Variants in HIBCH observed in about 807,000 individuals in gnomAD.
HIBCH encodes the protein 3-hydroxyisobutyryl-CoA hydrolase, mitochondrial.
Under a neutral mutation model 58.2 loss-of-function variants are expected in HIBCH, and 50 were observed. That is an observed-to-expected ratio of 0.86 (90% CI 0.68 to 1.09). The LOEUF (loss-of-function observed/expected upper bound fraction) is 1.09. Among genes scored for constraint, HIBCH ranks in the 50% least tolerant of loss-of-function variants. The pLI is 0.00. For synonymous variants in HIBCH, 151 were observed against 146.9 expected (o/e 1.03, Z -0.20); for missense variants, 450 against 449.7 (o/e 1.00, Z -0.01).
intron 11 of HIBCH, among the ~76,000 whole-genome samples, chr2:190,220,832 T>G (rs184392116): frequency 6.6e-6 from 1 of 152,278 alleles, no homozygotes; most frequent in East Asian, 1.9e-4. Flanking sequence ...GGGAGTGACA[T>G]GACCACTTTC....
intron 1 of HIBCH, among the ~76,000 whole-genome samples, chr2:190,313,537 CACA>C (rs1281155876): frequency 6.6e-6 from 1 of 151,232 alleles, no homozygotes; most frequent in Non-Finnish European, 1.5e-5. Flanking sequence ...GACTTTTCTT[CACA>C]ACACCACTTA....
chr2:190,198,581 G>A (rs1028680878), intron 1 of HIBCH, among the ~76,000 whole-genome samples: 16 of 138,754 alleles, frequency 1.2e-4, no homozygotes, highest in African/African-American at 3.5e-4. Context: ...ACAGTGAGCC[G>A]TGATTGCATC....
rs372057822 is a variant in HIBCH, at chr2:190,242,618, T to C, written c.891+2269A>G. Among the ~76,000 whole-genome samples the C allele has an allele frequency of 2.6e-5, 4 of 152,106 alleles. No individual in the cohort carries two copies. In the East Asian group the frequency reaches 5.8e-4, roughly 22 times the overall value. On this transcript the variant is annotated intron_variant, in intron 11 of 13. Transcript: ENST00000359678. ...GAATGGGGTTTTTGTGTGGGTGTCC[T>C]TTTTGTTGACATGAGGTGCTTGCTG...
At chr2:190,311,504 C>T (rs1374360314) in intron 1 of HIBCH, among the ~76,000 whole-genome samples, 1 of 152,166 alleles carries the variant, frequency 6.6e-6, no homozygotes, top group Admixed American at 6.5e-5. Context: ...CATTCTCAGA[C>T]ACTAGAGAGA....
chr2:190,266,606 G>C (rs548874781), intron 6 of HIBCH, among the ~76,000 whole-genome samples: 35 of 152,010 alleles, frequency 2.3e-4, no homozygotes, highest in African/African-American at 7.7e-4. Flanking sequence ...GCTAATTTTG[G>C]TATTTTTAGT....
chr2:190,222,655 G>C (rs573063520), intron 11 of HIBCH, among the ~76,000 whole-genome samples: 1 of 152,154 alleles, frequency 6.6e-6, no homozygotes, highest in Non-Finnish European at 1.5e-5. Flanking sequence ...AAATAGGAAC[G>C]CTTTTACACT....
rs376890910 is a variant in HIBCH at position 190,258,220 on chromosome 2, T to C, written c.517+2936A>G. ...CCAGCCACGTGAAGATGCACTTGCT[T>C]CCCCTTCATCTTTGGCCACGACTGT... is the stretch of plus-strand genomic sequence containing the variant. On this transcript the variant is annotated intron_variant, in intron 7 of 13. Coordinates refer to ENST00000359678, the MANE Select transcript of HIBCH (RefSeq NM_014362.4). Among the ~76,000 whole-genome samples the C allele has an allele frequency of 5.3e-5, 8 of 152,264 alleles. No homozygotes were observed. The East Asian group carries it at 1.5e-3, about 29-fold the overall frequency.
At chr2:190,219,179 T>C (rs1685646655) in intron 11 of HIBCH, among the ~76,000 whole-genome samples, 1 of 152,224 alleles carries the variant, frequency 6.6e-6, no homozygotes, top group Non-Finnish European at 1.5e-5. Flanking sequence ...CAAATTCTTT[T>C]AATTCTAACA....
At chr2:190,314,350 T>TAC (rs1688650820) in intron 1 of HIBCH, among the ~76,000 whole-genome samples, 1 of 31,852 alleles carries the variant, frequency 3.1e-5, no homozygotes, top group East Asian at 3.4e-4. Context: ...TATATATGTG[T>TAC]ATATATACGT....
chr2:190,203,919 A>G (rs567631034), downstream of HIBCH: 6 of 152,230 alleles, frequency 3.9e-5, no homozygotes, highest in African/African-American at 1.2e-4. Flanking sequence ...GAGAAACTAT[A>G]ACAAGTTACA....
chr2:190,310,809 T>C lies in HIBCH; in HGVS notation c.36-13A>G, dbSNP rs199859881. On this transcript the variant is annotated splice_polypyrimidine_tract_variant and intron_variant, in intron 1 of 13. Transcript: ENST00000359678. ...GAATGCATTAAACCTGAAACAAATG[T>C]GGAAAACAATGAGAACAGTAATGTG... 6.3e-7 allele frequency: 1 copy of C among 1,581,080 alleles called. No homozygotes were observed. The highest frequency in any genetic ancestry group is 1.1e-5 in the South Asian group (1 of 90,336).
At chr2:190,193,255 T>C (rs1384393045) in intron 1 of HIBCH, among the ~76,000 whole-genome samples, 1 of 152,172 alleles carries the variant, frequency 6.6e-6, no homozygotes, top group African/African-American at 2.4e-5. Flanking sequence ...GAATTATATC[T>C]ATTGTCTTTG....
chr2:190,230,306 A>C (rs1686056104), intron 11 of HIBCH, among the ~76,000 whole-genome samples: 1 of 152,256 alleles, frequency 6.6e-6, no homozygotes, highest in Non-Finnish European at 1.5e-5. Context: ...AAAAAACAGT[A>C]GTAGTAAAAA....
At position 190,319,796 on chromosome 2, in the gene HIBCH, A is replaced by T. The variant is rs745453202; in HGVS notation, c.-46T>A. ...AAGCAGCAGAGCGAGAATCTCCCGG[A>T]CCGTTCCAGCGCCTCGCGTGAGCCC... On this transcript the variant is annotated 5_prime_UTR_variant, in exon 1 of 14. Transcript: ENST00000359678. 6.3e-7 allele frequency: 1 copy of T among 1,594,984 alleles called. No homozygotes were observed. Among genetic ancestry groups the T allele is most frequent in the African/African-American group, 1.3e-5 (1 of 74,618 alleles).
chr2:190,230,476 C>T (rs556661750), intron 11 of HIBCH, among the ~76,000 whole-genome samples: 156 of 152,238 alleles, frequency 1.0e-3, no homozygotes, highest in Non-Finnish European at 1.8e-3. Context: ...GCGGGCAGAT[C>T]ACAAGATCAG....
At chr2:190,266,043 C>T (rs1233985740) in intron 6 of HIBCH, among the ~76,000 whole-genome samples, 1 of 151,556 alleles carries the variant, frequency 6.6e-6, no homozygotes, top group Non-Finnish European at 1.5e-5. Context: ...AAGGTTACTG[C>T]TTATGTTCCA....
At chr2:190,267,236 T>A (rs1687267949) in intron 6 of HIBCH, among the ~76,000 whole-genome samples, 1 of 151,892 alleles carries the variant, frequency 6.6e-6, no homozygotes, top group Admixed American at 6.6e-5. Context: ...GGAGACAGAA[T>A]CTCTGTCACC....
chr2:190,217,631 T>TA lies in HIBCH; in HGVS notation c.892-4557dup, dbSNP rs922821254. Among the ~76,000 whole-genome samples the TA allele has an allele frequency of 1.2e-4, 18 of 152,086 alleles. No homozygotes were observed. Among genetic ancestry groups the TA allele is most frequent in the African/African-American group, 4.3e-4 (18 of 41,392 alleles). ...TCCTCTACCCTGTCATCCCTTAGGT[T>TA]AAAAAAACTTCTAACTCGAACCCTG... On this transcript the variant is annotated intron_variant, in intron 11 of 13. Coordinates refer to ENST00000359678, the MANE Select transcript of HIBCH (RefSeq NM_014362.4). The surrounding 1 kb of genome is among the most constrained non-coding windows in gnomAD (Gnocchi z 4.6).
Position 190,205,245 on chromosome 2 carries a change from G to A in HIBCH, c.1046-13C>T. On this transcript the variant is annotated splice_polypyrimidine_tract_variant and intron_variant, in intron 13 of 13. Transcript: ENST00000359678. ...TTATCAATTAAAACTGTCAAGAGAA[G>A]ATACAAATGTTAATACCATTATTTT... 1.5e-6 allele frequency: 2 copies of A among 1,353,588 alleles called. No homozygotes were observed. Among genetic ancestry groups the A allele is most frequent in the Non-Finnish European group, 2.1e-6 (2 of 944,066 alleles). 83.8% of individuals were successfully genotyped at this position (1,353,588 alleles called of 1,614,324 possible). A position where few individuals can be genotyped will look rare whatever the true frequency, so the allele number is the denominator to read the frequency against.
Sources: gnomAD v4.1 joint callset for allele counts (sites outside exome capture counted in the v4.1 genomes callset) on GRCh38, gnomAD v4.1.1 for gene constraint, Gnocchi (gnomAD v3.1) non-coding constraint, MANE v1.5 for transcripts, NCBI Gene and HGNC (gene_info 2026-07-23, HGNC 2026-07-21) for gene names.